The following ZFYVE26 variants were observed in gnomAD, a reference collection of about 807,000 sequenced individuals.
ZFYVE26 encodes the protein zinc finger FYVE-type containing 26, also known as zinc finger FYVE domain-containing protein 26.
Under a neutral mutation model 276.5 loss-of-function variants are expected in ZFYVE26, and 181 were observed. The ratio of observed to expected loss-of-function variants is 0.65; its 90% CI spans 0.58 to 0.74. ZFYVE26 has a LOEUF of 0.74. Among genes scored for constraint, ZFYVE26 ranks in the 30% least tolerant of loss-of-function variants. The pLI is 0.00. For missense variants in ZFYVE26, 2,821 were observed against 3,097.9 expected (o/e 0.91, Z 2.12); for synonymous variants, 1,129 against 1,203.1 (o/e 0.94, Z 1.27).
At chr14:67,758,747 T>A (rs943837762) in intron 35 of ZFYVE26, among the ~76,000 whole-genome samples, 1 of 152,156 alleles carries the variant, frequency 6.6e-6, no homozygotes, top group African/African-American at 2.4e-5. Flanking sequence ...GCAATTCTCC[T>A]GCCTCAGCCT....
At chr14:67,735,362 A>G in intron 13 of ZFYVE26, 1 of 739,128 alleles carries the variant, frequency 1.4e-6, no homozygotes, top group Non-Finnish European at 2.5e-6. Flanking sequence ...TGGGCAAGGA[A>G]CATGTGCCAG....
chr14:67,777,796 G>C, intron 24 of ZFYVE26, 61 bp from the exon 25 acceptor site: 2 of 1,591,532 alleles, frequency 1.3e-6, no homozygotes, highest in South Asian at 2.2e-5. Flanking sequence ...GACCAGCTTT[G>C]TTTTGTTTGA....
chr14:67,792,444 C>A (rs1834436982), intron 14 of ZFYVE26, among the ~76,000 whole-genome samples: 1 of 152,052 alleles, frequency 6.6e-6, no homozygotes, highest in South Asian at 2.1e-4. Context: ...TCTTAACATT[C>A]CTATGAGGTA....
chr14:67,754,322 T>C (rs2038723100), intron 37 of ZFYVE26, 110 bp from the exon 38 acceptor site: 1 of 1,456,804 alleles, frequency 6.9e-7, no homozygotes, highest in South Asian at 1.1e-5. Flanking sequence ...AAACAAATGA[T>C]ATAGTGGGAA....
At chr14:67,767,970 T>G in intron 30 of ZFYVE26, 130 bp from the exon 31 acceptor site, 1 of 1,311,350 alleles carries the variant, frequency 7.6e-7, no homozygotes, top group African/African-American at 1.4e-5. Context: ...CTCTCCTTGG[T>G]TCCTTTTGTT....
chr14:67,776,236 C>A, intron 25 of ZFYVE26, 130 bp from the exon 26 acceptor site: 1 of 1,329,662 alleles, frequency 7.5e-7, no homozygotes, highest in Non-Finnish European at 1.0e-6. Context: ...GAAACAGACT[C>A]GCAGTCTTTT....
chr14:67,795,257 C>T (rs1303111930), intron 12 of ZFYVE26, among the ~76,000 whole-genome samples: 1 of 152,170 alleles, frequency 6.6e-6, no homozygotes, highest in Non-Finnish European at 1.5e-5. Context: ...TGACCCAAAA[C>T]AATTAATGTA....
At chr14:67,775,503 A>G (rs751933787) in intron 26 of ZFYVE26, among the ~76,000 whole-genome samples, 8 of 152,210 alleles carry the variant, frequency 5.3e-5, no homozygotes, top group Non-Finnish European at 1.0e-4. Context: ...CAGCTCACAT[A>G]CAAGTGATAT....
At chr14:67,752,198 G>T in intron 40 of ZFYVE26, 146 bp downstream of exon 40, 1 of 1,078,370 alleles carries the variant, frequency 9.3e-7, no homozygotes, top group Non-Finnish European at 1.4e-6. Context: ...GGTCAATTAT[G>T]GTGAGGCCAT....
chr14:67,732,238 A>T (rs566763541), intron 13 of ZFYVE26, among the ~76,000 whole-genome samples: 1 of 151,798 alleles, frequency 6.6e-6, no homozygotes, highest in Non-Finnish European at 1.5e-5. Context: ...GGAATTCCAT[A>T]CCAGCCTGGA....
chr14:67,767,920 T>G, intron 30 of ZFYVE26, 80 bp from the exon 31 acceptor site: 2 of 1,599,366 alleles, frequency 1.3e-6, no homozygotes. Context: ...TGGCATGAGT[T>G]GCAGGTAGAC....
chr14:67,755,459 T>C (rs1021328458), intron 36 of ZFYVE26, among the ~76,000 whole-genome samples: 1 of 152,180 alleles, frequency 6.6e-6, no homozygotes, highest in Admixed American at 6.5e-5. Flanking sequence ...GGGTAGGACA[T>C]TATTCCACCA....
chr14:67,792,638 G>A lies in ZFYVE26; in HGVS notation c.2553+970C>T, dbSNP rs549772520. Among the ~76,000 whole-genome samples, 25 of 152,238 alleles carry A rather than the reference G, an allele frequency of 1.6e-4. 1 individual carries two copies. Among genetic ancestry groups the A allele is most frequent in the Middle Eastern group, 3.4e-3 (1 of 294 alleles). On this transcript the variant is annotated intron_variant, in intron 14 of 41. Transcript: ENST00000347230. ...ATTCTATTTATAATTGAGACTGGGC[G>A]CAATGGCTCATGCCTGTAATCCCAG...
In ZFYVE26 at chr14:67,807,389, G is replaced by A. The variant is rs1487961068; in HGVS notation, c.886+9C>T. ...TGAAACTAAAGGAGCAGCAGCAAAG[G>A]GAACACACCTTTTCCCGAGGCTGTA... On this transcript the variant is annotated intron_variant, in intron 5 of 41. Transcript: ENST00000347230. 3 of 1,613,848 alleles carry A rather than the reference G, an allele frequency of 1.9e-6. No homozygotes were observed. Among genetic ancestry groups the A allele is most frequent in the Non-Finnish European group, 2.5e-6 (3 of 1,179,966 alleles).
chr14:67,762,192 C>G lies in ZFYVE26; in HGVS notation c.6369+11G>C. 1.2e-6 allele frequency: 2 copies of G among 1,614,104 alleles called. No individual in the cohort carries two copies. Among genetic ancestry groups the G allele is most frequent in the Middle Eastern group, 3.3e-4 (2 of 6,062 alleles). On this transcript the variant is annotated intron_variant, in intron 34 of 41. Coordinates refer to ENST00000347230, the MANE Select transcript of ZFYVE26 (RefSeq NM_015346.4). The stretch of plus-strand genomic sequence containing the variant: ...TCCCTGAGCCAGGCACTCTTCCTGC[C>G]TTGCTCTTACCAAGGATACAAAGGG...
In ZFYVE26 at chr14:67,733,775, G is replaced by C. The variant is rs746131696; in HGVS notation, n.2680-3956C>G. 18 of 1,613,284 alleles carry C rather than the reference G, an allele frequency of 1.1e-5. No homozygotes were observed. The Middle Eastern group carries it at 8.2e-4, about 74-fold the overall frequency. ...TGCAAGAGGACCTGGGTGTCTCCAA[G>C]GGCCCGAAATAACAAAACAGCTGAG... On this transcript the variant is annotated intron_variant and non_coding_transcript_variant, in intron 13 of 14. Coordinates refer to the ZFYVE26 transcript ENST00000394455.
intron 3 of ZFYVE26, among the ~76,000 whole-genome samples, chr14:67,813,389 C>A (rs2040340423): frequency 6.6e-6 from 1 of 151,994 alleles, no homozygotes; most frequent in African/African-American, 2.4e-5. Flanking sequence ...CAGAGTAATT[C>A]TTTTATAAGA....
At chr14:67,735,971 T>G (rs2038348126) in intron 13 of ZFYVE26, among the ~76,000 whole-genome samples, 1 of 152,200 alleles carries the variant, frequency 6.6e-6, no homozygotes, top group Non-Finnish European at 1.5e-5. Context: ...GTATACAATG[T>G]TGCCATGCGT....
chr14:67,773,627 T>G (rs1221656525), intron 27 of ZFYVE26, among the ~76,000 whole-genome samples: 1 of 151,684 alleles, frequency 6.6e-6, no homozygotes, highest in East Asian at 1.9e-4. Context: ...TACAGATGCA[T>G]GAAGCTGCTC....
Sources: gnomAD v4.1 joint callset for allele counts (sites outside exome capture counted in the v4.1 genomes callset) on GRCh38, gnomAD v4.1.1 for gene constraint, MANE v1.5 for transcripts, NCBI Gene and HGNC (gene_info 2026-07-23, HGNC 2026-07-21) for gene names.